The following KIAA1217 variants were observed in gnomAD, a reference collection of about 807,000 sequenced individuals.
The protein encoded by KIAA1217 is KIAA1217.
In KIAA1217, 88 loss-of-function variants were observed where a neutral mutation model predicts 163.9. The ratio of observed to expected loss-of-function variants is 0.54; its 90% confidence interval spans 0.45 to 0.64. The LOEUF is 0.64. KIAA1217 is among the 30% of genes least tolerant of loss of function. The pLI is 0.00. For missense variants in KIAA1217, 2,372 were observed against 2,475.0 expected (o/e 0.96, Z 0.88); for synonymous variants, 903 against 923.1 (o/e 0.98, Z 0.39).
intron 2 of KIAA1217, among the ~76,000 whole-genome samples, chr10:24,273,492 T>C (rs775414143): frequency 2.0e-5 from 3 of 151,876 alleles, no homozygotes; most frequent in Non-Finnish European, 4.4e-5. Flanking sequence ...CCAGTGAGGG[T>C]GTCACATAAG....
chr10:24,269,210 T>TAAAAAAAAAA (rs59746609), intron 2 of KIAA1217, among the ~76,000 whole-genome samples: 1 of 87,076 alleles, frequency 1.1e-5, no homozygotes, highest in African/African-American at 4.2e-5. Flanking sequence ...AAAGTATAAT[T>TAAAAAAAAAA]AAAAAAAAAA....
At chr10:24,378,114 C>T (rs1344329956) in intron 2 of KIAA1217, among the ~76,000 whole-genome samples, 1 of 151,972 alleles carries the variant, frequency 6.6e-6, no homozygotes, top group African/African-American at 2.4e-5. Flanking sequence ...TTTTCCTGCC[C>T]ACGTTAACCA....
chr10:23,788,096 G>T (rs954279224), intron 1 of KIAA1217, among the ~76,000 whole-genome samples: 4 of 152,140 alleles, frequency 2.6e-5, no homozygotes, highest in Admixed American at 2.0e-4. Context: ...TACTTGGAAG[G>T]CTGAGTTGGG....
At chr10:24,131,827 G>T (rs1215522911) in intron 2 of KIAA1217, among the ~76,000 whole-genome samples, 1 of 152,170 alleles carries the variant, frequency 6.6e-6, no homozygotes, top group Non-Finnish European at 1.5e-5. Flanking sequence ...GTTCTCTGGG[G>T]AGTTAATAAA....
At chr10:23,837,534 A>G (rs562871894) in intron 1 of KIAA1217, among the ~76,000 whole-genome samples, 1 of 152,020 alleles carries the variant, frequency 6.6e-6, no homozygotes, top group South Asian at 2.1e-4. Flanking sequence ...CAGCAATCTC[A>G]GTCATTTTTT....
chr10:23,893,452 T>C (rs1265565371), intron 1 of KIAA1217, among the ~76,000 whole-genome samples: 2 of 151,776 alleles, frequency 1.3e-5, no homozygotes, highest in Non-Finnish European at 2.9e-5. Flanking sequence ...GCTCCTGGAT[T>C]CTTTAATTTT....
At chr10:23,719,583 AAAATAAAT>A (rs562845414) in intron 1 of KIAA1217, among the ~76,000 whole-genome samples, 4 of 148,498 alleles carry the variant, frequency 2.7e-5, no homozygotes, top group African/African-American at 7.5e-5. Context: ...CCCCTTCTCA[AAAATAAAT>A]AAATAAATAA....
At chr10:24,252,339 A>G (rs985211097) in intron 2 of KIAA1217, among the ~76,000 whole-genome samples, 3 of 152,184 alleles carry the variant, frequency 2.0e-5, no homozygotes, top group Non-Finnish European at 4.4e-5. Context: ...GCACTTTGGG[A>G]GGCCCAAGAG....
intron 2 of KIAA1217, among the ~76,000 whole-genome samples, chr10:24,134,940 C>T (rs2063779915): frequency 6.6e-6 from 1 of 152,042 alleles, no homozygotes; most frequent in African/African-American, 2.4e-5. Flanking sequence ...GGTGTGAAAA[C>T]AAGGAAGTGT....
intron 1 of KIAA1217, among the ~76,000 whole-genome samples, chr10:23,786,469 C>T (rs1045120084): frequency 4.0e-5 from 6 of 150,870 alleles, no homozygotes; most frequent in Non-Finnish European, 8.8e-5. Context: ...TTGACTTTTC[C>T]GGCTATTGTG....
At chr10:24,277,323 C>G (rs577795533) in intron 2 of KIAA1217, among the ~76,000 whole-genome samples, 1 of 152,198 alleles carries the variant, frequency 6.6e-6, no homozygotes, top group South Asian at 2.1e-4. Flanking sequence ...GTGGTTCCCA[C>G]TCAAAGTGGA....
chr10:23,875,002 C>A (rs996193456), intron 1 of KIAA1217, among the ~76,000 whole-genome samples: 2 of 151,908 alleles, frequency 1.3e-5, no homozygotes, highest in Non-Finnish European at 2.9e-5. Flanking sequence ...TATCACATGG[C>A]AAGAGCAGGA....
chr10:24,331,358 G>C (rs1029277237), intron 2 of KIAA1217, among the ~76,000 whole-genome samples: 1 of 152,224 alleles, frequency 6.6e-6, no homozygotes, highest in African/African-American at 2.4e-5. Context: ...AAGATGTTAG[G>C]ATGCCTTAGA....
rs1591136263 is a variant in KIAA1217 at position 24,342,224 on chromosome 10, C to T, written c.355-38645C>T. Among the ~76,000 whole-genome samples the T allele has an allele frequency of 3.9e-5, 6 of 152,212 alleles. No homozygotes were observed. In the South Asian group the frequency reaches 1.2e-3, roughly 32 times the overall value. On this transcript the variant is annotated intron_variant, in intron 2 of 20. Transcript: ENST00000376454. ...AGACAATTGAGAAACAAATCATTGT[C>T]ATTTAAGCTTAAACTTTTAAATCAG...
chr10:24,008,186 AT>A (rs1397789394), intron 2 of KIAA1217, among the ~76,000 whole-genome samples: 2 of 152,002 alleles, frequency 1.3e-5, no homozygotes, highest in Non-Finnish European at 2.9e-5. Context: ...AGATAGATAG[AT>A]AGATAGATAG....
intron 5 of KIAA1217, chr10:24,466,409 T>G: frequency 2.7e-6 from 1 of 377,166 alleles, no homozygotes; most frequent in Non-Finnish European, 3.6e-6. Context: ...CTGTAAGCAG[T>G]TGTTGAAGGA....
intron 3 of KIAA1217, among the ~76,000 whole-genome samples, chr10:24,429,794 G>A (rs554032775): frequency 6.6e-6 from 1 of 152,122 alleles, no homozygotes; most frequent in Non-Finnish European, 1.5e-5. Flanking sequence ...TTATATGTGG[G>A]TCTGGCTGCT....
At chr10:24,495,748 G>C (rs1443631397) in intron 8 of KIAA1217, among the ~76,000 whole-genome samples, 1 of 152,184 alleles carries the variant, frequency 6.6e-6, no homozygotes, top group Non-Finnish European at 1.5e-5. Flanking sequence ...TGCAATATGG[G>C]GATGGATGAG....
chr10:23,974,391 G>T (rs931862896), intron 1 of KIAA1217, among the ~76,000 whole-genome samples: 1 of 152,110 alleles, frequency 6.6e-6, no homozygotes, highest in Non-Finnish European at 1.5e-5. Flanking sequence ...TATTTCAACG[G>T]TGTGATATTG....
Sources: gnomAD v4.1 joint callset for allele counts (sites outside exome capture counted in the v4.1 genomes callset) on GRCh38, gnomAD v4.1.1 for gene constraint, MANE v1.5 for transcripts, NCBI Gene and HGNC (gene_info 2026-07-23, HGNC 2026-07-21) for gene names.